The following UPP2 variants were observed in gnomAD, a reference collection of about 807,000 sequenced individuals.
The protein encoded by UPP2 is UPase 2.
UPP2 carries 23 observed loss-of-function variants against 26.7 expected under a neutral mutation model. That is an observed-to-expected ratio of 0.86 (90% CI 0.62 to 1.22). The LOEUF is 1.22. Among genes scored for constraint, UPP2 ranks in the 50% most tolerant of loss-of-function variants. UPP2 has a pLI of 0.00. For synonymous variants in UPP2, 127 were observed against 141.3 expected, an observed-to-expected ratio of 0.90 and a Z score of 0.72; for missense variants, 387 against 396.7, an observed-to-expected ratio of 0.98 and a Z score of 0.21.
At chr2:158,023,705 C>G (rs1338662155) in intron 3 of UPP2, among the ~76,000 whole-genome samples, 1 of 152,134 alleles carries the variant, frequency 6.6e-6, no homozygotes, top group African/African-American at 2.4e-5. Flanking sequence ...GCCTCTCCTT[C>G]TAACTGCCTT....
intron 2 of UPP2, among the ~76,000 whole-genome samples, chr2:158,108,260 A>G (rs1683236124): frequency 6.6e-6 from 1 of 152,150 alleles, no homozygotes; most frequent in Non-Finnish European, 1.5e-5. Context: ...CACAGCAACT[A>G]TAGTTATTAT....
intron 3 of UPP2, among the ~76,000 whole-genome samples, chr2:158,050,778 C>G (rs573082837): frequency 6.6e-6 from 1 of 152,026 alleles, no homozygotes; most frequent in Non-Finnish European, 1.5e-5. Context: ...GGGTGGAACT[C>G]GAAAGCAGAT....
chr2:158,128,059 G>A (rs570651351), intron 6 of UPP2: 36 of 974,210 alleles, frequency 3.7e-5, no homozygotes, highest in Middle Eastern at 5.3e-4. Context: ...ACTTGTATTC[G>A]TGTTTTAAAG....
At chr2:158,075,960 CAAAT>C (rs1201835508) in intron 3 of UPP2, among the ~76,000 whole-genome samples, 4 of 151,294 alleles carry the variant, frequency 2.6e-5, no homozygotes, top group African/African-American at 7.3e-5. Context: ...AAAAAAGACA[CAAAT>C]AAATAAAATC....
chr2:158,080,786 G>A (rs959639691), intron 3 of UPP2, among the ~76,000 whole-genome samples: 3 of 152,154 alleles, frequency 2.0e-5, no homozygotes, highest in African/African-American at 7.2e-5. Context: ...ATGAAGAAGG[G>A]ATTAAGACAA....
chr2:158,062,726 C>T (rs1418138066), intron 3 of UPP2, among the ~76,000 whole-genome samples: 2 of 152,150 alleles, frequency 1.3e-5, no homozygotes, highest in Non-Finnish European at 2.9e-5. Flanking sequence ...GCTGTATCTT[C>T]TTCTGAGATA....
At position 158,091,709 on chromosome 2, in the gene UPP2, C is replaced by T. The variant is rs190595413; in HGVS notation, c.148-10331C>T. On this transcript the variant is annotated intron_variant, in intron 3 of 9. Coordinates refer to the UPP2 transcript ENST00000605860. ...TCAGCTGGCTGTTGGATGATCTAGG[C>T]TGGCCCTCACTGGGGTGACGAGGTG... Among the ~76,000 whole-genome samples the T allele has an allele frequency of 2.6e-4, 39 of 152,280 alleles. No homozygotes were observed. In the East Asian group the frequency reaches 7.0e-3, roughly 27 times the overall value.
At chr2:158,007,244 A>G (rs1472118773) in intron 2 of UPP2, among the ~76,000 whole-genome samples, 5 of 152,168 alleles carry the variant, frequency 3.3e-5, no homozygotes, top group Non-Finnish European at 4.4e-5. Context: ...TCAGTTGACA[A>G]GTGAAAAACA....
chr2:158,123,765 T>C lies in UPP2; in HGVS notation c.681T>C (p.Asp227=). The part of the protein sequence containing the change: ...YDFYEGQGRL[D]GALCSFSREK... ...CCCTTTCAGGCCAAGGCCGACTAGATGGAGCACTGTGCTCCTTTTCCAGAG... is the reference window on the plus strand; with the variant it reads ...CCCTTTCAGGCCAAGGCCGACTAGACGGAGCACTGTGCTCCTTTTCCAGAG... The change falls in exon 6 of 7, where the codon GAT becomes GAC. Residue 227 remains aspartate, a synonymous_variant. Coordinates refer to ENST00000005756, the MANE Select transcript of UPP2 (RefSeq NM_173355.4). The C allele has an allele frequency of 6.2e-7, 1 of 1,614,034 alleles. No homozygotes were observed. Among genetic ancestry groups the C allele is most frequent in the Non-Finnish European group, 8.5e-7 (1 of 1,179,902 alleles).
At chr2:158,032,722 T>A (rs1239196645) in intron 3 of UPP2, among the ~76,000 whole-genome samples, 2 of 152,082 alleles carry the variant, frequency 1.3e-5, no homozygotes, top group African/African-American at 4.8e-5. Context: ...AGGATACAGA[T>A]CATAAAATTA....
At chr2:158,121,013 G>A (rs1332172011) in intron 4 of UPP2, among the ~76,000 whole-genome samples, 1 of 152,028 alleles carries the variant, frequency 6.6e-6, no homozygotes, top group Non-Finnish European at 1.5e-5. Context: ...GAGATGCAAA[G>A]AAATTACAGT....
intron 3 of UPP2, among the ~76,000 whole-genome samples, chr2:158,030,765 C>A (rs1164088420): frequency 6.6e-6 from 1 of 152,214 alleles, no homozygotes. Context: ...TCCTTTTCAT[C>A]CCACTTCTCT....
At chr2:158,128,128 A>G (rs1683732539) in intron 6 of UPP2, 5 of 588,488 alleles carry the variant, frequency 8.5e-6, no homozygotes, top group Non-Finnish European at 1.1e-5. Context: ...ATATTTGTCT[A>G]CGCTTAGGTT....
At chr2:158,040,021 A>G (rs1684062901) in intron 3 of UPP2, among the ~76,000 whole-genome samples, 2 of 152,222 alleles carry the variant, frequency 1.3e-5, no homozygotes, top group Non-Finnish European at 2.9e-5. Context: ...TCTGTGTCCA[A>G]AAGGAAGCCT....
chr2:158,108,560 A>G (rs1683242180), intron 2 of UPP2, among the ~76,000 whole-genome samples: 1 of 151,998 alleles, frequency 6.6e-6, no homozygotes, highest in African/African-American at 2.4e-5. Flanking sequence ...AGATAAAAAT[A>G]AGGGGACTCA....
chr2:158,035,186 C>T (rs1221806104), intron 3 of UPP2, among the ~76,000 whole-genome samples: 3 of 147,278 alleles, frequency 2.0e-5, no homozygotes, highest in Non-Finnish European at 3.0e-5. Context: ...GAGATGGAGT[C>T]TTGCTCTGTC....
At chr2:158,109,227 C>A (rs929796986) in intron 2 of UPP2, among the ~76,000 whole-genome samples, 18 of 152,128 alleles carry the variant, frequency 1.2e-4, no homozygotes, top group African/African-American at 3.4e-4. Context: ...ATTATTAATA[C>A]CATTATCTTC....
rs184826243 is a variant in UPP2, at chr2:158,061,863, C to T, written c.148-40177C>T. 3.9e-5 allele frequency among the ~76,000 whole-genome samples: 6 copies of T among 152,364 alleles called. No individual in the cohort carries two copies. The East Asian group carries it at 1.2e-3, about 29-fold the overall frequency. ...CAGATCAGGTAATCTGGCCCTAGCC[C>T]AGGTATCCACTAGCTCACTGATTCT... is the stretch of plus-strand genomic sequence containing the variant. On this transcript the variant is annotated intron_variant, in intron 3 of 9. Coordinates refer to the UPP2 transcript ENST00000605860.
In UPP2 at chr2:158,051,779, T is replaced by TCAACAACAACAACAA. The variant is rs57339979; in HGVS notation, c.147+35903_147+35917dup. 6.3e-3 allele frequency among the ~76,000 whole-genome samples: 945 copies of TCAACAACAACAACAA among 150,430 alleles called. 3 individuals carry two copies. Among genetic ancestry groups the TCAACAACAACAACAA allele is most frequent in the Middle Eastern group, 0.038 (11 of 292 alleles). ...CCGGGCAACAGGGCAAGACTCCACC[T>TCAACAACAACAACAA]CAACAACAACAACAACAACAACAAA... On this transcript the variant is annotated intron_variant, in intron 3 of 9. Transcript: ENST00000605860.
Sources: allele counts gnomAD v4.1 joint callset (sites outside exome capture counted in the v4.1 genomes callset), GRCh38; gene constraint gnomAD v4.1.1; transcripts MANE v1.5; gene names NCBI Gene and HGNC (gene_info 2026-07-23, HGNC 2026-07-21).